KIF21A: variants seen among roughly 807,000 people sequenced by gnomAD.
KIF21A encodes the protein kinesin-like protein KIF21A.
A neutral mutation model predicts 202.9 loss-of-function variants in KIF21A; 114 were observed. The observed-to-expected ratio is 0.56, with a 90% CI of 0.48 to 0.66. KIF21A has a LOEUF of 0.66. Ranked by LOEUF, KIF21A falls within the 30% of genes least tolerant of loss-of-function variation. The pLI is 0.00. For missense variants in KIF21A, 1,677 were observed against 1,994.9 expected, an observed-to-expected ratio of 0.84 and a Z score of 3.04; for synonymous variants, 667 against 670.8, an observed-to-expected ratio of 0.99 and a Z score of 0.09.
chr12:39,346,751 T>C (rs1276793630), intron 11 of KIF21A, among the ~76,000 whole-genome samples: 1 of 152,006 alleles, frequency 6.6e-6, no homozygotes, highest in Admixed American at 6.6e-5. Context: ...GTTGAAATTA[T>C]GCAGCAGCAA....
At chr12:39,385,432 T>C (rs1461863932) in intron 1 of KIF21A, among the ~76,000 whole-genome samples, 1 of 152,198 alleles carries the variant, frequency 6.6e-6, no homozygotes, top group Non-Finnish European at 1.5e-5. Context: ...CTCGACCATT[T>C]CATCCATACC....
chr12:39,402,069 CA>C (rs1566176772), intron 1 of KIF21A, among the ~76,000 whole-genome samples: 1 of 152,084 alleles, frequency 6.6e-6, no homozygotes, highest in East Asian at 1.9e-4. Flanking sequence ...TGTGGCCTAT[CA>C]AAACTGTATA....
intron 1 of KIF21A, among the ~76,000 whole-genome samples, chr12:39,420,405 A>G (rs1041500365): frequency 6.6e-6 from 1 of 152,152 alleles, no homozygotes; most frequent in Non-Finnish European, 1.5e-5. Flanking sequence ...CAAAGAACCC[A>G]AGGGTGTAAT....
chr12:39,337,060 A>G (rs748811105), intron 17 of KIF21A, 36 bp downstream of exon 17: 2 of 1,396,238 alleles, frequency 1.4e-6, no homozygotes, highest in South Asian at 2.3e-5. Context: ...TCAACGTACA[A>G]TTTTCTTATA....
At chr12:39,299,507 G>GT (rs1942758509) in intron 37 of KIF21A, among the ~76,000 whole-genome samples, 1 of 152,160 alleles carries the variant, frequency 6.6e-6, no homozygotes, top group African/African-American at 2.4e-5. Flanking sequence ...GTTAGTAGGA[G>GT]TGTAAATCAG....
chr12:39,350,979 T>C (rs943302559), intron 11 of KIF21A, among the ~76,000 whole-genome samples: 1 of 152,062 alleles, frequency 6.6e-6, no homozygotes, highest in Non-Finnish European at 1.5e-5. Flanking sequence ...CTTTTGAATA[T>C]CTAGCCAAAA....
intron 37 of KIF21A, among the ~76,000 whole-genome samples, chr12:39,295,251 A>T (rs1263147642): frequency 1.3e-5 from 2 of 152,262 alleles, no homozygotes; most frequent in African/African-American, 2.4e-5. Flanking sequence ...AGTATTTCTG[A>T]GAAAACATGT....
At chr12:39,365,907 G>A (rs1326554579) in intron 6 of KIF21A, among the ~76,000 whole-genome samples, 1 of 152,168 alleles carries the variant, frequency 6.6e-6, no homozygotes, top group Non-Finnish European at 1.5e-5. Flanking sequence ...CTTCTATGAA[G>A]TGGGAAGATC....
chr12:39,319,332 C>T (rs542739994), intron 28 of KIF21A, among the ~76,000 whole-genome samples: 205 of 152,154 alleles, frequency 1.3e-3, no homozygotes, highest in Middle Eastern at 3.4e-3. Context: ...AATTTGTAAA[C>T]GCCCAGTTAA....
intron 1 of KIF21A, among the ~76,000 whole-genome samples, chr12:39,395,581 C>G (rs1951681793): frequency 6.6e-6 from 1 of 152,102 alleles, no homozygotes; most frequent in Non-Finnish European, 1.5e-5. Flanking sequence ...GTGGCTGACG[C>G]CTGTAATCCC....
chr12:39,340,434 TC>T, intron 15 of KIF21A, 70 bp from the exon 16 acceptor site: 2 of 1,188,684 alleles, frequency 1.7e-6, no homozygotes, highest in Non-Finnish European at 2.4e-6. Context: ...AGATTTACAG[TC>T]CATATCCTAA....
At chr12:39,299,426 T>C (rs1942747719) in intron 37 of KIF21A, among the ~76,000 whole-genome samples, 1 of 152,086 alleles carries the variant, frequency 6.6e-6, no homozygotes, top group African/African-American at 2.4e-5. Context: ...CCAGTCAAAA[T>C]GGCTACTATT....
intron 17 of KIF21A, among the ~76,000 whole-genome samples, chr12:39,335,404 C>T (rs2138221913): frequency 7.8e-6 from 1 of 127,396 alleles, no homozygotes; most frequent in Non-Finnish European, 1.6e-5. Flanking sequence ...AAGTAAGACT[C>T]TGTCTCAAAA....
rs1291186481 is a variant in KIF21A at position 39,416,633 on chromosome 12, A to ATATATATATATGTACATATATATGTG, written c.44+26268_44+26293dup. On this transcript the variant is annotated intron_variant, in intron 1 of 37. Coordinates refer to ENST00000361418, the MANE Select transcript of KIF21A (RefSeq NM_001173464.2). ...TATATATATGTACATATATATGTGTATATATATATATGTACATATATATGT... is the reference window on the plus strand; with the variant it reads ...TATATATATGTACATATATATGTGTATATATATATATGTACATATATATGTGTATATATATATGTACATATATATGT... 2.6e-3 allele frequency among the ~76,000 whole-genome samples: 243 copies of ATATATATATATGTACATATATATGTG among 92,254 alleles called. 32 individuals carry two copies. The highest frequency in any genetic ancestry group is 9.6e-3 in the African/African-American group (204 of 21,184). The allele number at this position is 92,254 out of a possible 152,430, so 60.5% of individuals were successfully genotyped here.
At chr12:39,338,781 AT>A (rs1181007901) in intron 16 of KIF21A, among the ~76,000 whole-genome samples, 1 of 152,248 alleles carries the variant, frequency 6.6e-6, no homozygotes, top group Non-Finnish European at 1.5e-5. Context: ...GTCTAAAAAA[AT>A]AATGTGCATG....
At chr12:39,318,367 T>C (rs1329681466) in intron 28 of KIF21A, among the ~76,000 whole-genome samples, 166 bp from the exon 29 acceptor site, 1 of 152,184 alleles carries the variant, frequency 6.6e-6, no homozygotes, top group African/African-American at 2.4e-5. Flanking sequence ...ATTTTTAAAA[T>C]TTTTCACTGG....
chr12:39,361,508 A>G (rs1949206849), intron 7 of KIF21A, among the ~76,000 whole-genome samples: 1 of 150,700 alleles, frequency 6.6e-6, no homozygotes, highest in South Asian at 2.1e-4. Context: ...ATTCTACAAA[A>G]CAGAACTTTC....
At chr12:39,325,498 A>ATTTTTTC (rs759220587) in intron 26 of KIF21A, among the ~76,000 whole-genome samples, 1 of 121,472 alleles carries the variant, frequency 8.2e-6, no homozygotes, top group African/African-American at 3.5e-5. Context: ...CGCCCAGCTA[A>ATTTTTTC]TTTTTTTTTT....
chr12:39,381,625 C>T (rs991757898), intron 1 of KIF21A, among the ~76,000 whole-genome samples: 1 of 152,100 alleles, frequency 6.6e-6, no homozygotes, highest in African/African-American at 2.4e-5. Flanking sequence ...CCAATAACCA[C>T]AAGTGACAGC....
Sources: allele counts gnomAD v4.1 joint callset (sites outside exome capture counted in the v4.1 genomes callset), GRCh38; gene constraint gnomAD v4.1.1; transcripts MANE v1.5; gene names NCBI Gene and HGNC (gene_info 2026-07-23, HGNC 2026-07-21).